PADI6: variants seen among roughly 807,000 people sequenced by gnomAD.
PADI6 encodes the protein peptidyl arginine deiminase 6.
In PADI6, 66 loss-of-function variants were observed where a neutral mutation model predicts 78.2. The ratio of observed to expected loss-of-function variants is 0.84; its 90% CI spans 0.69 to 1.04. The LOEUF (loss-of-function observed/expected upper bound fraction) is 1.04. Among genes scored for constraint, PADI6 ranks in the 50% least tolerant of loss-of-function variants. The probability of loss-of-function intolerance (pLI) is 0.00; values close to 1 mark genes in which losing one functional copy is unlikely to be tolerated. For missense variants in PADI6, 854 were observed against 866.1 expected (o/e 0.99, Z 0.18); for synonymous variants, 397 against 346.9 (o/e 1.14, Z -1.60).
At chr1:17,394,159 C>A (rs1332831238) in intron 10 of PADI6, 77 bp downstream of exon 10, 30 of 1,558,762 alleles carry the variant, frequency 1.9e-5, no homozygotes, top group Non-Finnish European at 2.6e-5. Context: ...TAATGGGGCA[C>A]CAAGTGGGGA....
chr1:17,387,430 G>T (rs1242915173), intron 6 of PADI6, among the ~76,000 whole-genome samples: 1 of 146,732 alleles, frequency 6.8e-6, no homozygotes, highest in East Asian at 2.3e-4. Flanking sequence ...GCTCAACAGA[G>T]CAGGACTCCA....
At chr1:17,388,946 G>A in intron 8 of PADI6, 66 bp downstream of exon 8, 1 of 1,289,202 alleles carries the variant, frequency 7.8e-7, no homozygotes, top group Non-Finnish European at 1.1e-6. Flanking sequence ...CTTTCTATAT[G>A]CAGGGCAGGG....
intron 3 of PADI6, among the ~76,000 whole-genome samples, chr1:17,378,510 T>C (rs2075039992): frequency 6.6e-6 from 1 of 152,162 alleles, no homozygotes; most frequent in Admixed American, 6.5e-5. Context: ...TTGTCCCTTG[T>C]GTGGTGGAAG....
At position 17,398,862 on chromosome 1, in the gene PADI6, C is replaced by A. The variant is rs2244936; in HGVS notation, c.1851+15C>A. ...TCCCTGACCTGGTGAGGGGCGACTG[C>A]GCATCCCTGGGTGGGGGAGGGCCTG... On this transcript the variant is annotated intron_variant, in intron 15 of 15. Transcript: ENST00000619609. The A allele has an allele frequency of 1.2e-6, 2 of 1,611,106 alleles. No individual in the cohort carries two copies. The highest frequency in any genetic ancestry group is 8.5e-7 in the Non-Finnish European group (1 of 1,178,590).
intron 3 of PADI6, among the ~76,000 whole-genome samples, chr1:17,379,392 G>A (rs2075051123): frequency 6.6e-6 from 1 of 151,876 alleles, no homozygotes; most frequent in Non-Finnish European, 1.5e-5. Flanking sequence ...GGGATTACAG[G>A]CGTGAGCCAT....
chr1:17,381,001 A>G (rs2075067064), intron 4 of PADI6, 46 bp from the exon 5 acceptor site: 1 of 1,491,974 alleles, frequency 6.7e-7, no homozygotes, highest in African/African-American at 1.4e-5. Context: ...GAAACAGAAG[A>G]TTTATTTGGC....
chr1:17,399,518 C>A (rs1335971100), intron 15 of PADI6, among the ~76,000 whole-genome samples: 1 of 151,944 alleles, frequency 6.6e-6, no homozygotes, highest in Non-Finnish European at 1.5e-5. Flanking sequence ...TTGCTTGAAC[C>A]CCGGAGACAG....
chr1:17,377,956 C>T (rs541545772), intron 3 of PADI6, among the ~76,000 whole-genome samples: 3 of 152,024 alleles, frequency 2.0e-5, no homozygotes, highest in Non-Finnish European at 4.4e-5. Flanking sequence ...CACGAGTAAC[C>T]CTGCACTGCC....
intron 6 of PADI6, among the ~76,000 whole-genome samples, chr1:17,383,134 A>G (rs957408027): frequency 6.6e-6 from 1 of 152,194 alleles, no homozygotes; most frequent in African/African-American, 2.4e-5. Flanking sequence ...TACGCAACGC[A>G]GGGAGCTCTG....
intron 6 of PADI6, among the ~76,000 whole-genome samples, chr1:17,386,579 G>T (rs1278888656): frequency 6.6e-6 from 1 of 152,204 alleles, no homozygotes. Context: ...AGGGGTTCCT[G>T]GGGGAAGACT....
At chr1:17,398,957 T>G in intron 15 of PADI6, 110 bp downstream of exon 15, 8 of 1,156,580 alleles carry the variant, frequency 6.9e-6, no homozygotes, top group East Asian at 2.6e-5. Context: ...TAACGGTACC[T>G]ATGAGGAAAT....
At chr1:17,379,111 A>ATTTTTTTTTTT (rs144547124) in intron 3 of PADI6, among the ~76,000 whole-genome samples, 30 of 100,800 alleles carry the variant, frequency 3.0e-4, no homozygotes, top group African/African-American at 1.5e-3. Context: ...TGCCCAGTTA[A>ATTTTTTTTTTT]TTTTTTTTTT....
At chr1:17,380,018 G>A in intron 4 of PADI6, 31 bp downstream of exon 4, 1 of 1,610,714 alleles carries the variant, frequency 6.2e-7, no homozygotes, top group Non-Finnish European at 8.5e-7. Context: ...GGGCAGGGAA[G>A]GGGCCCTATA....
intron 8 of PADI6, among the ~76,000 whole-genome samples, chr1:17,389,742 T>C (rs951343755): frequency 6.6e-6 from 1 of 152,112 alleles, no homozygotes; most frequent in African/African-American, 2.4e-5. Context: ...TCTGGCCACA[T>C]GGAAAGTCAG....
At chr1:17,395,199 GT>G (rs35197313) in intron 12 of PADI6, 92 bp downstream of exon 12, 364,002 of 1,249,198 alleles carry the variant, frequency 0.29, 35,984 homozygotes, top group East Asian at 0.38. Context: ...GCTTTTTCTT[GT>G]TTTTTTTTTT....
intron 6 of PADI6, among the ~76,000 whole-genome samples, chr1:17,382,648 T>G (rs1053203147): frequency 1.3e-5 from 2 of 151,660 alleles, no homozygotes; most frequent in Non-Finnish European, 3.0e-5. Flanking sequence ...GAGGTACACA[T>G]GCCCAACTCC....
chr1:17,379,816 T>G, intron 3 of PADI6, 104 bp from the exon 4 acceptor site: 1 of 915,704 alleles, frequency 1.1e-6, no homozygotes, highest in Non-Finnish European at 1.7e-6. Context: ...AAAGGCTAGA[T>G]GCCCTGATGC....
intron 9 of PADI6, among the ~76,000 whole-genome samples, chr1:17,393,501 G>T (rs6678127): frequency 6.6e-6 from 1 of 151,858 alleles, no homozygotes; most frequent in Non-Finnish European, 1.5e-5. Flanking sequence ...GATTCTTTAC[G>T]AAAGAAGAAA....
intron 3 of PADI6, among the ~76,000 whole-genome samples, chr1:17,378,729 T>C (rs752062037): frequency 7.9e-5 from 12 of 151,398 alleles, no homozygotes; most frequent in South Asian, 4.2e-4. Flanking sequence ...CTTAGCCTCC[T>C]GAGTAGCTGG....
Sources: gnomAD v4.1 joint callset for allele counts (sites outside exome capture counted in the v4.1 genomes callset) on GRCh38, gnomAD v4.1.1 for gene constraint, MANE v1.5 for transcripts, NCBI Gene and HGNC (gene_info 2026-07-23, HGNC 2026-07-21) for gene names.